The following KCNIP4 variants were observed in gnomAD, a reference collection of about 807,000 sequenced individuals.
KCNIP4 encodes Kv channel-interacting protein 4.
KCNIP4 carries 12 observed loss-of-function variants against 34.0 expected under a neutral mutation model. The ratio of observed to expected loss-of-function variants is 0.35; its 90% CI spans 0.23 to 0.57. The LOEUF (loss-of-function observed/expected upper bound fraction) is 0.57, where lower values mean the gene tolerates loss of function less well. KCNIP4 is among the 20% of genes least tolerant of loss of function. KCNIP4 has a pLI of 0.83. For missense variants in KCNIP4, 238 were observed against 311.7 expected (o/e 0.76, Z 1.78); for synonymous variants, 124 against 102.2 (o/e 1.21, Z -1.29).
intron 1 of KCNIP4, among the ~76,000 whole-genome samples, chr4:21,517,305 C>T (rs930347949): frequency 1.9e-4 from 29 of 152,112 alleles, no homozygotes; most frequent in African/African-American, 7.0e-4. Flanking sequence ...AAGTATTTTT[C>T]TCCCTCCTTA....
intron 3 of KCNIP4, among the ~76,000 whole-genome samples, chr4:20,848,425 G>T (rs1383443292): frequency 2.0e-5 from 3 of 150,568 alleles, no homozygotes; most frequent in Admixed American, 2.0e-4. Context: ...AAAGGGGAAA[G>T]AAAAGAGTTT....
intron 1 of KCNIP4, among the ~76,000 whole-genome samples, chr4:21,275,753 T>C (rs16870695): frequency 0.042 from 6,421 of 152,226 alleles, 462 homozygotes; most frequent in African/African-American, 0.15. Flanking sequence ...ATAAGATACT[T>C]CAAGGTTTAG....
chr4:21,457,183 C>T (rs1357016389), intron 1 of KCNIP4, among the ~76,000 whole-genome samples: 2 of 152,054 alleles, frequency 1.3e-5, no homozygotes, highest in Admixed American at 6.6e-5. Flanking sequence ...TCATTTCCCA[C>T]CAAATAAATC....
Position 21,344,096 on chromosome 4 carries a change from C to T in KCNIP4, c.62-461387G>A, listed in dbSNP as rs1717043723. On this transcript the variant is annotated intron_variant, in intron 1 of 8. Coordinates refer to ENST00000382152, the MANE Select transcript of KCNIP4 (RefSeq NM_025221.6). The stretch of plus-strand genomic sequence containing the variant: ...AACTCAGGAAGCATACAGTTATGTG[C>T]ACAAGACATGTGCTGACAAAGGACT... 2.0e-5 allele frequency among the ~76,000 whole-genome samples: 3 copies of T among 152,060 alleles called. No individual in the cohort carries two copies. The South Asian group carries it at 6.2e-4, about 31-fold the overall frequency.
At position 21,722,250 on chromosome 4, in the gene KCNIP4, A is replaced by T. The variant is rs534519264; in HGVS notation, c.61+226321T>A. On this transcript the variant is annotated intron_variant, in intron 1 of 8. Transcript: ENST00000382152. ...CTGCATTTTGGGATGTCACAGCTCAACTGGGAAGAGAGGTATGAAAACAAT... is the reference window on the plus strand; with the variant it reads ...CTGCATTTTGGGATGTCACAGCTCATCTGGGAAGAGAGGTATGAAAACAAT... Among the ~76,000 whole-genome samples the T allele has an allele frequency of 2.1e-3, 324 of 152,290 alleles. 1 individual carries two copies. Among genetic ancestry groups the T allele is most frequent in the African/African-American group, 7.6e-3 (315 of 41,558 alleles).
intron 1 of KCNIP4, among the ~76,000 whole-genome samples, chr4:21,775,512 G>C (rs771848537): frequency 1.3e-5 from 2 of 152,116 alleles, no homozygotes; most frequent in Admixed American, 1.3e-4. Flanking sequence ...GCTTTTCTTC[G>C]GGGGAAACCC....
At chr4:21,204,943 A>C (rs535533891) in intron 1 of KCNIP4, among the ~76,000 whole-genome samples, 7 of 152,334 alleles carry the variant, frequency 4.6e-5, no homozygotes, top group African/African-American at 1.7e-4. Context: ...AAGAATAACT[A>C]CAATAAGTGG....
intron 3 of KCNIP4, among the ~76,000 whole-genome samples, chr4:20,771,927 C>T (rs1361197808): frequency 6.6e-6 from 1 of 152,114 alleles, no homozygotes; most frequent in Non-Finnish European, 1.5e-5. Flanking sequence ...AGCTTGGCCT[C>T]CCAAAGTGCT....
chr4:21,282,622 C>T (rs1762848505), intron 1 of KCNIP4, among the ~76,000 whole-genome samples: 1 of 152,058 alleles, frequency 6.6e-6, no homozygotes, highest in African/African-American at 2.4e-5. Context: ...TTATGTTATC[C>T]AGTGTTTCAC....
Position 21,674,298 on chromosome 4 carries a change from A to C in KCNIP4, c.61+274273T>G, listed in dbSNP as rs1441929735. ...TATGTGTGCACACACACCCATGTACATTTCTACCTTATATACAGGATCATT... is the reference window on the plus strand; with the variant it reads ...TATGTGTGCACACACACCCATGTACCTTTCTACCTTATATACAGGATCATT... On this transcript the variant is annotated intron_variant, in intron 1 of 8. Transcript: ENST00000382152. 3.9e-5 allele frequency among the ~76,000 whole-genome samples: 6 copies of C among 152,168 alleles called. No individual in the cohort carries two copies. In the South Asian group the frequency reaches 6.2e-4, roughly 16 times the overall value.
At chr4:21,329,339 G>A (rs1715396398) in intron 1 of KCNIP4, among the ~76,000 whole-genome samples, 1 of 152,136 alleles carries the variant, frequency 6.6e-6, no homozygotes. Context: ...TGTACTGGCA[G>A]GCAGGATATG....
intron 1 of KCNIP4, among the ~76,000 whole-genome samples, chr4:21,485,294 C>T (rs1483194353): frequency 2.6e-5 from 4 of 152,082 alleles, no homozygotes. Flanking sequence ...CAATTATAAC[C>T]ATTCAATTAC....
chr4:21,583,109 C>A (rs190708562), intron 1 of KCNIP4, among the ~76,000 whole-genome samples: 1 of 152,052 alleles, frequency 6.6e-6, no homozygotes, highest in African/African-American at 2.4e-5. Context: ...TTGAAGAAAA[C>A]CGCCCTCAGT....
intron 1 of KCNIP4, among the ~76,000 whole-genome samples, chr4:21,471,211 GT>G (rs1214189500): frequency 3.3e-5 from 5 of 152,260 alleles, no homozygotes; most frequent in Non-Finnish European, 7.4e-5. Flanking sequence ...GAGAAGTTCT[GT>G]TTTTAGGAAT....
intron 1 of KCNIP4, among the ~76,000 whole-genome samples, chr4:21,337,257 G>A (rs980126684): frequency 1.8e-4 from 28 of 152,062 alleles, no homozygotes; most frequent in Non-Finnish European, 3.2e-4. Flanking sequence ...TTATGTTATC[G>A]ATAACTTGAT....
At chr4:21,432,203 C>T (rs1299940857) in intron 1 of KCNIP4, among the ~76,000 whole-genome samples, 1 of 135,630 alleles carries the variant, frequency 7.4e-6, no homozygotes, top group South Asian at 2.4e-4. Context: ...CTGGAGAAAA[C>T]CACATCAAGA....
chr4:21,907,088 T>C (rs1013943057), intron 1 of KCNIP4, among the ~76,000 whole-genome samples: 4 of 152,144 alleles, frequency 2.6e-5, no homozygotes, highest in African/African-American at 9.7e-5. Context: ...ACTTTGAGTG[T>C]GTCCCCCACA....
At chr4:21,405,931 G>A (rs886464583) in intron 1 of KCNIP4, among the ~76,000 whole-genome samples, 2 of 152,214 alleles carry the variant, frequency 1.3e-5, no homozygotes, top group Non-Finnish European at 2.9e-5. Flanking sequence ...CGCCTCCCGG[G>A]TTCAAGCGAT....
At chr4:21,719,667 G>C (rs1714643418) in intron 1 of KCNIP4, among the ~76,000 whole-genome samples, 1 of 151,996 alleles carries the variant, frequency 6.6e-6, no homozygotes, top group African/African-American at 2.4e-5. Context: ...TCAGGTAAAA[G>C]AAGAAACAAT....
Sources: allele counts gnomAD v4.1 joint callset (sites outside exome capture counted in the v4.1 genomes callset), GRCh38; gene constraint gnomAD v4.1.1; transcripts MANE v1.5; gene names NCBI Gene and HGNC (gene_info 2026-07-23, HGNC 2026-07-21).